Variants in FAAH2 observed in about 807,000 individuals in gnomAD.
The protein encoded by FAAH2 is fatty-acid amide hydrolase 2.
In FAAH2, 60 loss-of-function variants were observed where a neutral mutation model predicts 36.9. The observed-to-expected ratio is 1.63, with a 90% CI of 1.32 to 2.02. The LOEUF (loss-of-function observed/expected upper bound fraction) is 2.02. Ranked by LOEUF, FAAH2 falls within the 30% of genes most tolerant of loss-of-function variation. FAAH2 has a pLI of 0.00. For missense variants in FAAH2, 689 were observed against 397.5 expected, an observed-to-expected ratio of 1.73 and a Z score of -6.23; for synonymous variants, 214 against 143.8, an observed-to-expected ratio of 1.49 and a Z score of -3.49.
At chrX:57,239,653 G>C in the FAAH2 span, among the ~76,000 whole-genome samples, 6 of 111,128 alleles carry the variant, frequency 5.4e-5, no homozygotes, top group East Asian at 1.1e-3. Context: ...TTTTGTCTCT[G>C]TGTCTCTTTC....
At chrX:57,164,742 G>A in the FAAH2 span, among the ~76,000 whole-genome samples, 1 of 112,283 alleles carries the variant, frequency 8.9e-6, no homozygotes, top group African/African-American at 3.2e-5. Flanking sequence ...GGCATTTCTG[G>A]GAATGTATTA....
At chrX:57,156,225 T>A in the FAAH2 span, among the ~76,000 whole-genome samples, 1 of 112,318 alleles carries the variant, frequency 8.9e-6, no homozygotes, top group Non-Finnish European at 1.9e-5. Flanking sequence ...CTGTTTGATG[T>A]TTTAAAATGA....
chrX:57,342,315 T>C (rs1213170910), intron 5 of FAAH2, among the ~76,000 whole-genome samples: 1 of 111,410 alleles, frequency 9.0e-6, no homozygotes, highest in East Asian at 2.8e-4. Flanking sequence ...GGGAGCTAAA[T>C]GTTGAGAACA....
At chrX:57,238,399 GT>G in the FAAH2 span, among the ~76,000 whole-genome samples, 2 of 111,662 alleles carry the variant, frequency 1.8e-5, no homozygotes, top group Non-Finnish European at 3.8e-5. Context: ...CACAGGAATA[GT>G]AAACCAATAC....
At chrX:57,180,315 G>A in the FAAH2 span, among the ~76,000 whole-genome samples, 1 of 111,182 alleles carries the variant, frequency 9.0e-6, no homozygotes, top group African/African-American at 3.3e-5. Context: ...AAATATGAAC[G>A]AACCAATGAG....
chrX:57,321,521 T>C (rs1308302251), intron 3 of FAAH2, among the ~76,000 whole-genome samples: 1 of 110,294 alleles, frequency 9.1e-6, no homozygotes, highest in Non-Finnish European at 1.9e-5. Context: ...AATTGAAAAC[T>C]ATTTTTCAAT....
intron 3 of FAAH2, among the ~76,000 whole-genome samples, chrX:57,327,986 C>T: frequency 9.0e-6 from 1 of 111,275 alleles, no homozygotes; most frequent in Non-Finnish European, 1.9e-5. Context: ...TACCTTTGGT[C>T]TTTGATGATG....
intron 7 of FAAH2, among the ~76,000 whole-genome samples, chrX:57,408,868 T>G (rs1285748927): frequency 8.9e-6 from 1 of 111,838 alleles, no homozygotes; most frequent in East Asian, 2.8e-4. Flanking sequence ...GTGTGTCATG[T>G]TTATTGATTT....
At chrX:57,251,783 C>G in the FAAH2 span, among the ~76,000 whole-genome samples, 1 of 111,749 alleles carries the variant, frequency 8.9e-6, no homozygotes, top group Admixed American at 9.5e-5. Context: ...GAGATCGACA[C>G]AGAAGATGGG....
chrX:57,148,659 G>A, the FAAH2 span, among the ~76,000 whole-genome samples: 2 of 111,603 alleles, frequency 1.8e-5, no homozygotes, highest in South Asian at 7.6e-4. Flanking sequence ...GGAGATTTTG[G>A]GCTGAGACAA....
the FAAH2 span, among the ~76,000 whole-genome samples, chrX:57,125,460 T>A: frequency 1.5e-4 from 17 of 111,612 alleles, no homozygotes; most frequent in African/African-American, 5.5e-4. Flanking sequence ...GGTTCTGAAC[T>A]CCAGATTCTG....
At chrX:57,411,033 A>T (rs928568647) in intron 7 of FAAH2, among the ~76,000 whole-genome samples, 3 of 111,733 alleles carry the variant, frequency 2.7e-5, no homozygotes, top group Non-Finnish European at 1.9e-5. Context: ...TTGTCTTCAC[A>T]GTTGAAAAAG....
At chrX:57,312,823 A>T (rs1352640650) in intron 3 of FAAH2, among the ~76,000 whole-genome samples, 5 of 112,045 alleles carry the variant, frequency 4.5e-5, no homozygotes, top group Non-Finnish European at 9.4e-5. Context: ...AAATCCAAAA[A>T]GTAGAGTATC....
intron 10 of FAAH2, among the ~76,000 whole-genome samples, chrX:57,457,438 T>C (rs1440326751): frequency 1.8e-5 from 2 of 109,871 alleles, no homozygotes; most frequent in Non-Finnish European, 3.8e-5. Context: ...TAGTACTGGA[T>C]GTGCTAGCCA....
At chrX:57,264,601 A>G in the FAAH2 span, among the ~76,000 whole-genome samples, 1 of 112,753 alleles carries the variant, frequency 8.9e-6, no homozygotes, top group Non-Finnish European at 1.9e-5. Flanking sequence ...AAATTAGCTC[A>G]ACCATTGTGG....
intron 10 of FAAH2, among the ~76,000 whole-genome samples, chrX:57,480,863 T>G (rs2057366942): frequency 9.0e-6 from 1 of 111,223 alleles, no homozygotes; most frequent in Admixed American, 9.6e-5. Context: ...CCCATCACCC[T>G]CAGGGACCCC....
the FAAH2 span, among the ~76,000 whole-genome samples, chrX:57,246,305 A>T: frequency 2.1e-4 from 24 of 112,036 alleles, no homozygotes; most frequent in African/African-American, 5.8e-4. Flanking sequence ...TGAAAAGAGG[A>T]GCTGGTAGCA....
At chrX:57,233,605 T>C in the FAAH2 span, among the ~76,000 whole-genome samples, 2 of 111,603 alleles carry the variant, frequency 1.8e-5, no homozygotes, top group African/African-American at 6.5e-5. Flanking sequence ...GGAGTCCTTT[T>C]GGTGGGTATT....
At chrX:57,357,769 C>T (rs1280017089) in intron 5 of FAAH2, among the ~76,000 whole-genome samples, 2 of 111,683 alleles carry the variant, frequency 1.8e-5, no homozygotes, top group African/African-American at 6.5e-5. Context: ...ATTGTGAAGA[C>T]AGTGTGGTGA....
Sources: allele counts gnomAD v4.1 joint callset (sites outside exome capture counted in the v4.1 genomes callset), GRCh38; gene constraint gnomAD v4.1.1; transcripts MANE v1.5; gene names NCBI Gene and HGNC (gene_info 2026-07-23, HGNC 2026-07-21).